The following BCL11B variants were observed in gnomAD, a reference collection of about 807,000 sequenced individuals.
BCL11B encodes the protein B-cell lymphoma/leukemia 11B.
In BCL11B, 8 loss-of-function variants were observed where a neutral mutation model predicts 49.9. That is an observed-to-expected ratio of 0.16 (90% CI 0.09 to 0.29). The LOEUF is 0.29. Ranked by LOEUF, BCL11B falls within the 10% of genes least tolerant of loss-of-function variation. BCL11B has a pLI of 1.00. For synonymous variants in BCL11B, 739 were observed against 637.4 expected (o/e 1.16, Z -2.40); for missense variants, 1,006 against 1,351.0 (o/e 0.74, Z 4.00).
chr14:99,175,234 G>C lies in BCL11B; in HGVS notation c.1602C>G (p.Asp534Glu), dbSNP rs1566793889. The C allele has an allele frequency of 2.3e-5, 36 of 1,546,842 alleles. No individual in the cohort carries two copies. Among genetic ancestry groups the C allele is most frequent in the Middle Eastern group, 1.7e-4 (1 of 5,810 alleles). Reference protein sequence around the residue: ...PSLGHEPEEEDEEEEEEEEEL... With the variant: ...PSLGHEPEEEEEEEEEEEEEL... ...CCTCCTCCTCCTCCTCCTCCTCCTC[G>C]TCCTCCTCCTCCGGCTCGTGGCCCA... The change falls in exon 4 of 4, where the codon GAC becomes GAG. Residue 534 changes from aspartate (D) to glutamate (E), a missense_variant. Around this residue, in one of 6 missense-constraint regions of BCL11B, gnomAD observed 443 missense variants for 499.7 expected, o/e 0.89. Transcript: ENST00000357195.
chr14:99,246,764 G>A (rs1241945567), intron 2 of BCL11B, among the ~76,000 whole-genome samples: 3 of 152,120 alleles, frequency 2.0e-5, no homozygotes, highest in Non-Finnish European at 2.9e-5. Context: ...TCTTGCGGGC[G>A]GCGGAGAGGA....
intron 2 of BCL11B, among the ~76,000 whole-genome samples, chr14:99,244,977 G>A (rs1263882931): frequency 2.0e-5 from 3 of 152,138 alleles, no homozygotes; most frequent in Non-Finnish European, 4.4e-5. Flanking sequence ...ATAGAGATGT[G>A]GGTCCAATCC....
chr14:99,232,566 T>C lies in BCL11B; in HGVS notation c.428-1009A>G, dbSNP rs1351726367. On this transcript the variant is annotated intron_variant, in intron 2 of 3. Coordinates refer to ENST00000357195, the MANE Select transcript of BCL11B (RefSeq NM_138576.4). This position sits in a 1 kb window ranked among gnomAD's most constrained non-coding sequence, Gnocchi z 5.1. ...GAGGCCCAGCACAGGTCTGCACGGG[T>C]GGGAGTCTGCCCACTCCAGGGCCCC... Among the ~76,000 whole-genome samples the C allele has an allele frequency of 2.0e-5, 3 of 152,082 alleles. No homozygotes were observed. Among genetic ancestry groups the C allele is most frequent in the African/African-American group, 7.2e-5 (3 of 41,422 alleles).
At chr14:99,176,375 G>C (rs1399374220) in intron 3 of BCL11B, among the ~76,000 whole-genome samples, 180 bp from the exon 4 acceptor site, 12 of 152,188 alleles carry the variant, frequency 7.9e-5, no homozygotes, top group Non-Finnish European at 1.3e-4. Flanking sequence ...CTCCTGGCTG[G>C]GGGGCCGAAG....
chr14:99,175,911 G>A lies in BCL11B; in HGVS notation c.925C>T (p.Arg309Cys), dbSNP rs1326464268. The A allele has an allele frequency of 3.5e-6, 5 of 1,447,944 alleles. No individual in the cohort carries two copies. The highest frequency in any genetic ancestry group is 3.6e-6 in the Non-Finnish European group (4 of 1,102,706). The allele number at this position is 1,447,944 out of a possible 1,614,324, so 89.7% of individuals were successfully genotyped here. A position where few individuals can be genotyped will look rare whatever the true frequency, so the allele number is the denominator to read the frequency against. ...AAGAGAGGCGGCGTGCCCGGCAGGCGGCCCTCGCCGAAGCCCGGGTGGTCC... is the reference window on the plus strand; with the variant it reads ...AAGAGAGGCGGCGTGCCCGGCAGGCAGCCCTCGCCGAAGCCCGGGTGGTCC... ...LRDHPGFGEG[R>C]LPGTPPLFSP... The change falls in exon 4 of 4, where the codon CGC (arginine) becomes TGC (cysteine). Residue 309 changes from arginine (R) to cysteine (C), a missense_variant. Arg to Cys is a radical substitution (Grantham distance 180, BLOSUM62 -3). This residue lies in a region of BCL11B where 411 missense variants were observed against 542.2 expected (regional missense o/e 0.76). Coordinates refer to ENST00000357195, the MANE Select transcript of BCL11B (RefSeq NM_138576.4).
intron 3 of BCL11B, among the ~76,000 whole-genome samples, chr14:99,197,232 C>G (rs1887203101): frequency 6.6e-6 from 1 of 152,084 alleles, no homozygotes; most frequent in African/African-American, 2.4e-5. Context: ...GGCAGTGGGT[C>G]AGAAGCAATG....
chr14:99,227,842 C>A lies in BCL11B; in HGVS notation c.640+3503G>T, dbSNP rs146400243. Among the ~76,000 whole-genome samples the A allele has an allele frequency of 1.4e-4, 21 of 152,208 alleles. No homozygotes were observed. The East Asian group carries it at 2.7e-3, about 20-fold the overall frequency. On this transcript the variant is annotated intron_variant, in intron 3 of 3. Transcript: ENST00000357195. ...GTGAAATTTCTCAGGGAAGAAATTT[C>A]AGTTCCCAGGAACGCCTAGACTCAA...
At position 99,241,758 on chromosome 14, in the gene BCL11B, T is replaced by TA. The variant is rs999307308; in HGVS notation, c.428-10202dup. Among the ~76,000 whole-genome samples, 4 of 151,728 alleles carry TA rather than the reference T, an allele frequency of 2.6e-5. No homozygotes were observed. Among genetic ancestry groups the TA allele is most frequent in the Non-Finnish European group, 4.4e-5 (3 of 67,956 alleles). On this transcript the variant is annotated intron_variant, in intron 2 of 3. Coordinates refer to ENST00000357195, the MANE Select transcript of BCL11B (RefSeq NM_138576.4). The surrounding 1 kb of genome is among the most constrained non-coding windows in gnomAD (Gnocchi z 4.4). Reference sequence around the variant, plus strand: ...TCTTTGAAAAAAACATCAGTGTCACTAAAAAAAACGTCACTCTGTTTTGCA... The same window carrying TA: ...TCTTTGAAAAAAACATCAGTGTCACTAAAAAAAAACGTCACTCTGTTTTGCA...
In BCL11B at chr14:99,265,588, C is replaced by T. The variant is rs8007786; in HGVS notation, c.58+5573G>A. On this transcript the variant is annotated intron_variant, in intron 1 of 3. Transcript: ENST00000357195. ...TGGAGATTGCTAAACTGATTTTTAA[C>T]GGTTTTCTGCAGCTCAGAGACCACC... Among the ~76,000 whole-genome samples, 317 of 152,292 alleles carry T rather than the reference C, an allele frequency of 2.1e-3. 1 individual carries two copies. The highest frequency in any genetic ancestry group is 7.0e-3 in the African/African-American group (292 of 41,558).
chr14:99,241,448 T>C lies in BCL11B; in HGVS notation c.428-9891A>G, dbSNP rs1888668014. Among the ~76,000 whole-genome samples, 1 of 150,786 alleles carries C rather than the reference T, an allele frequency of 6.6e-6. No individual in the cohort carries two copies. Among genetic ancestry groups the C allele is most frequent in the Admixed American group, 6.6e-5 (1 of 15,126 alleles). ...GCATCGCTCAGGAGGCCTCAGAGAC[T>C]AAACAGACACAAAACCCAAAAGAAA... is the stretch of plus-strand genomic sequence containing the variant. On this transcript the variant is annotated intron_variant, in intron 2 of 3. Coordinates refer to ENST00000357195, the MANE Select transcript of BCL11B (RefSeq NM_138576.4). The surrounding 1 kb of genome is among the most constrained non-coding windows in gnomAD (Gnocchi z 4.4).
At position 99,213,836 on chromosome 14, in the gene BCL11B, C is replaced by T. The variant is rs538801235; in HGVS notation, c.640+17509G>A. ...GCAAGGGCCCCCCGAGGGGCTGCCC[C>T]GTGCGCCCAGGCACAAGGGTACTGC... On this transcript the variant is annotated intron_variant, in intron 3 of 3. Coordinates refer to ENST00000357195, the MANE Select transcript of BCL11B (RefSeq NM_138576.4). The surrounding 1 kb of genome is among the most constrained non-coding windows in gnomAD (Gnocchi z 5.1). 9.8e-5 allele frequency among the ~76,000 whole-genome samples: 15 copies of T among 152,308 alleles called. No homozygotes were observed. Among genetic ancestry groups the T allele is most frequent in the South Asian group, 6.2e-4 (3 of 4,826 alleles).
intron 2 of BCL11B, among the ~76,000 whole-genome samples, chr14:99,245,664 C>T (rs1365363276): frequency 2.4e-5 from 3 of 127,190 alleles, no homozygotes; most frequent in Non-Finnish European, 3.3e-5. Flanking sequence ...GCCACCCCGG[C>T]GAAGCGACCC....
chr14:99,240,397 A>G (rs1033772996), intron 2 of BCL11B, among the ~76,000 whole-genome samples: 1 of 152,070 alleles, frequency 6.6e-6, no homozygotes, highest in Non-Finnish European at 1.5e-5. Context: ...TCCTTTTCCT[A>G]ATGGACTTAT....
rs150539838 is a variant in BCL11B at position 99,223,856 on chromosome 14, G to C, written c.640+7489C>G. Among the ~76,000 whole-genome samples the C allele has an allele frequency of 6.8e-4, 103 of 152,324 alleles. 4 individuals carry two copies. In the East Asian group the frequency reaches 0.019, roughly 28 times the overall value. The stretch of plus-strand genomic sequence containing the variant: ...CAGGTGGGACACCTCTCCATCCTGA[G>C]ATCTGCTCTTGAGCTGCACCATGGC... On this transcript the variant is annotated intron_variant, in intron 3 of 3. Coordinates refer to ENST00000357195, the MANE Select transcript of BCL11B (RefSeq NM_138576.4).
At chr14:99,180,674 G>A (rs895266321) in intron 3 of BCL11B, among the ~76,000 whole-genome samples, 8 of 152,142 alleles carry the variant, frequency 5.3e-5, no homozygotes, top group African/African-American at 1.9e-4. Flanking sequence ...CCTATAAATC[G>A]CACATGGCTA....
intron 3 of BCL11B, among the ~76,000 whole-genome samples, chr14:99,227,731 C>T (rs1475948981): frequency 2.6e-5 from 4 of 152,182 alleles, no homozygotes; most frequent in Non-Finnish European, 5.9e-5. Flanking sequence ...GCAATGACTT[C>T]TTTAGGGCCC....
At position 99,172,612 on chromosome 14, in the gene BCL11B, T is replaced by A. The variant is rs577846835; in HGVS notation, c.*1539A>T. On this transcript the variant is annotated 3_prime_UTR_variant, in exon 4 of 4. Coordinates refer to ENST00000357195, the MANE Select transcript of BCL11B (RefSeq NM_138576.4). ...TCCTATAAATTATTATTTTATTTTG[T>A]TCTTTATAGTGCCAGTATTGTGAAT... 4.7e-6 allele frequency: 1 copy of A among 211,808 alleles called. No individual in the cohort carries two copies. The highest frequency in any genetic ancestry group is 7.1e-5 in the East Asian group (1 of 13,996). 13.1% of individuals were successfully genotyped at this position (211,808 alleles called of 1,614,324 possible). A position where few individuals can be genotyped will look rare whatever the true frequency, so the allele number is the denominator to read the frequency against.
Position 99,231,318 on chromosome 14 carries a change from G to GC in BCL11B, c.640+26dup. ...GCACACCCCGCCATCCCGGGGGCCC[G>GC]CCCCCCACCGCGGCGTCGTCTGTTA... On this transcript the variant is annotated intron_variant, in intron 3 of 3. Transcript: ENST00000357195. This position sits in a 1 kb window ranked among gnomAD's most constrained non-coding sequence, Gnocchi z 8.1. 5 of 1,601,960 alleles carry GC rather than the reference G, an allele frequency of 3.1e-6. No individual in the cohort carries two copies. Among genetic ancestry groups the GC allele is most frequent in the South Asian group, 1.1e-5 (1 of 89,730 alleles).
intron 1 of BCL11B, among the ~76,000 whole-genome samples, chr14:99,269,515 T>TCC (rs61216322): frequency 0.068 from 8,210 of 120,352 alleles, 761 homozygotes; most frequent in African/African-American, 0.21. Flanking sequence ...TAATTTCTAT[T>TCC]CCCCCCCCCC....
Sources: gnomAD v4.1 joint callset for allele counts (sites outside exome capture counted in the v4.1 genomes callset) on GRCh38, gnomAD v4.1.1 for gene constraint, gnomAD v4.1.1 regional missense constraint, Gnocchi (gnomAD v3.1) non-coding constraint, MANE v1.5 for transcripts, NCBI Gene and HGNC (gene_info 2026-07-23, HGNC 2026-07-21) for gene names.